The following KATNAL1 variants were observed in gnomAD, a reference collection of about 807,000 sequenced individuals.
KATNAL1 encodes katanin catalytic subunit A1 like 1.
KATNAL1 carries 32 observed loss-of-function variants against 55.2 expected under a neutral mutation model. That is an observed-to-expected ratio of 0.58 (90% CI 0.44 to 0.78). KATNAL1 has a LOEUF of 0.78. Among genes scored for constraint, KATNAL1 ranks in the 30% least tolerant of loss-of-function variants. KATNAL1 has a pLI of 0.00. For synonymous variants in KATNAL1, 193 were observed against 193.6 expected, an observed-to-expected ratio of 1.00 and a Z score of 0.02; for missense variants, 466 against 600.9, an observed-to-expected ratio of 0.78 and a Z score of 2.35.
intron 1 of KATNAL1, among the ~76,000 whole-genome samples, chr13:30,303,635 T>C (rs1213675142): frequency 6.6e-6 from 1 of 152,188 alleles, no homozygotes; most frequent in Non-Finnish European, 1.5e-5. Flanking sequence ...TTACAGATGC[T>C]CAAATATCAG....
At chr13:30,223,717 A>G in intron 9 of KATNAL1, among the ~76,000 whole-genome samples, 1 of 152,186 alleles carries the variant, frequency 6.6e-6, no homozygotes, top group Non-Finnish European at 1.5e-5. Context: ...CATAAAGCAG[A>G]AACTGAAAAA....
In KATNAL1 at chr13:30,245,179, A is replaced by G. The variant is rs555026530; in HGVS notation, c.493-4093T>C. ...AATAAAATACTGGCAAACCGAATCCAGCAGCACATCAAAAAGCTTATCCAC... is the reference window on the plus strand; with the variant it reads ...AATAAAATACTGGCAAACCGAATCCGGCAGCACATCAAAAAGCTTATCCAC... On this transcript the variant is annotated intron_variant, in intron 4 of 10. Coordinates refer to ENST00000380615, the MANE Select transcript of KATNAL1 (RefSeq NM_032116.5). 6.6e-5 allele frequency among the ~76,000 whole-genome samples: 10 copies of G among 152,352 alleles called. No individual in the cohort carries two copies. In the East Asian group the frequency reaches 1.7e-3, roughly 26 times the overall value.
chr13:30,283,971 G>T (rs1323113448), intron 1 of KATNAL1, among the ~76,000 whole-genome samples, 180 bp from the exon 2 acceptor site: 1 of 151,326 alleles, frequency 6.6e-6, no homozygotes, highest in Non-Finnish European at 1.5e-5. Context: ...CACCTCCCAG[G>T]TTCAAGTGAT....
At chr13:30,265,117 G>A (rs866699608) in intron 3 of KATNAL1, among the ~76,000 whole-genome samples, 181 of 150,444 alleles carry the variant, frequency 1.2e-3, no homozygotes, top group African/African-American at 3.9e-3. Context: ...GTAAACTATC[G>A]CAAGAACAAA....
intron 3 of KATNAL1, among the ~76,000 whole-genome samples, chr13:30,272,073 C>A (rs2137509244): frequency 6.6e-6 from 1 of 152,180 alleles, no homozygotes; most frequent in South Asian, 2.1e-4. Flanking sequence ...CCTAATACTG[C>A]AATGACTGAA....
chr13:30,215,652 A>C (rs1874145693), intron 9 of KATNAL1, among the ~76,000 whole-genome samples: 1 of 152,214 alleles, frequency 6.6e-6, no homozygotes. Context: ...AGAAATCATC[A>C]TTCTCAGTAA....
chr13:30,254,018 C>T (rs553928370), intron 4 of KATNAL1, among the ~76,000 whole-genome samples: 20 of 152,166 alleles, frequency 1.3e-4, no homozygotes, highest in Non-Finnish European at 2.6e-4. Context: ...ACTGTTTAAT[C>T]ACTTTGAACG....
chr13:30,295,200 T>G (rs535632645), intron 1 of KATNAL1, among the ~76,000 whole-genome samples: 1 of 152,306 alleles, frequency 6.6e-6, no homozygotes, highest in East Asian at 1.9e-4. Flanking sequence ...GTGATTTCCT[T>G]TGATGAAACT....
intron 9 of KATNAL1, among the ~76,000 whole-genome samples, chr13:30,217,974 C>T (rs977052404): frequency 6.6e-6 from 1 of 152,028 alleles, no homozygotes; most frequent in African/African-American, 2.4e-5. Context: ...GGCGAGAAGA[C>T]TGCGTGATGT....
intron 4 of KATNAL1, among the ~76,000 whole-genome samples, chr13:30,245,196 C>CT (rs1450970937): frequency 6.6e-6 from 1 of 152,136 alleles, no homozygotes; most frequent in Non-Finnish European, 1.5e-5. Context: ...CATCAAAAAG[C>CT]TTATCCACCA....
intron 6 of KATNAL1, among the ~76,000 whole-genome samples, chr13:30,238,803 C>T (rs1876955122): frequency 1.3e-5 from 2 of 152,134 alleles, no homozygotes; most frequent in South Asian, 4.1e-4. Context: ...ACAAGGAACC[C>T]TGTTTATAAC....
At position 30,259,422 on chromosome 13, in the gene KATNAL1, G is replaced by C. The variant is rs564557060; in HGVS notation, c.324-3807C>G. On this transcript the variant is annotated intron_variant, in intron 3 of 10. Coordinates refer to ENST00000380615, the MANE Select transcript of KATNAL1 (RefSeq NM_032116.5). ...GTCTACAGCTCCCAGTGTGAGCGACGCAAAAGACCAGTGATTTCTGCATTT... is the reference window on the plus strand; with the variant it reads ...GTCTACAGCTCCCAGTGTGAGCGACCCAAAAGACCAGTGATTTCTGCATTT... Among the ~76,000 whole-genome samples, 34 of 152,206 alleles carry C rather than the reference G, an allele frequency of 2.2e-4. No homozygotes were observed. The South Asian group carries it at 7.0e-3, about 32-fold the overall frequency.
intron 3 of KATNAL1, among the ~76,000 whole-genome samples, chr13:30,265,538 T>C (rs1198856186): frequency 1.3e-5 from 2 of 152,030 alleles, no homozygotes; most frequent in African/African-American, 4.8e-5. Context: ...AAGGGTGCTT[T>C]TTGTGCAGAG....
intron 10 of KATNAL1, 76 bp from the exon 11 acceptor site, chr13:30,208,814 A>G: frequency 1.0e-6 from 1 of 988,132 alleles, no homozygotes; most frequent in Non-Finnish European, 1.4e-6. Flanking sequence ...CAAAGTTATG[A>G]AAAAAAAATC....
chr13:30,288,856 A>G (rs990730294), intron 1 of KATNAL1, among the ~76,000 whole-genome samples: 1 of 152,252 alleles, frequency 6.6e-6, no homozygotes, highest in Non-Finnish European at 1.5e-5. Flanking sequence ...ACAATGGTTA[A>G]GTCCACAAGA....
intron 3 of KATNAL1, among the ~76,000 whole-genome samples, chr13:30,268,164 GT>G (rs1353101937): frequency 1.3e-5 from 2 of 152,148 alleles, no homozygotes; most frequent in African/African-American, 2.4e-5. Flanking sequence ...GCCTACGCAG[GT>G]AACATCCCTA....
intron 1 of KATNAL1, among the ~76,000 whole-genome samples, chr13:30,291,983 C>T (rs947077701): frequency 5.9e-5 from 9 of 152,034 alleles, no homozygotes; most frequent in East Asian, 1.9e-4. Context: ...TGCAGTGAGC[C>T]GAGATCGCGC....
rs182429037 is a variant in KATNAL1, at chr13:30,203,896, T to A, written c.*4644A>T. On this transcript the variant is annotated 3_prime_UTR_variant, in exon 11 of 11. Coordinates refer to ENST00000380615, the MANE Select transcript of KATNAL1 (RefSeq NM_032116.5). ...ATATTAAAAGCAAATGTCAAAAAAA[T>A]TTAAGTATGAAAAGCCTAATTTAAA... 3 of 150,234 alleles carry A rather than the reference T, an allele frequency of 2.0e-5. No homozygotes were observed. The highest frequency in any genetic ancestry group is 1.3e-4 in the Admixed American group (2 of 15,214). 9.3% of individuals were successfully genotyped at this position (150,234 alleles called of 1,614,324 possible).
chr13:30,256,052 A>G (rs1238256987), intron 3 of KATNAL1, among the ~76,000 whole-genome samples: 1 of 152,222 alleles, frequency 6.6e-6, no homozygotes, highest in Non-Finnish European at 1.5e-5. Flanking sequence ...TGTACAGTTT[A>G]CTAATTTCTG....
Sources: gnomAD v4.1 joint callset for allele counts (sites outside exome capture counted in the v4.1 genomes callset) on GRCh38, gnomAD v4.1.1 for gene constraint, MANE v1.5 for transcripts, NCBI Gene and HGNC (gene_info 2026-07-23, HGNC 2026-07-21) for gene names.